C4orf36: variants seen among roughly 807,000 people sequenced by gnomAD.
C4orf36 encodes the protein uncharacterized protein C4orf36.
C4orf36 carries 11 observed loss-of-function variants against 12.2 expected under a neutral mutation model. The ratio of observed to expected loss-of-function variants is 0.90; its 90% CI spans 0.57 to 1.49. The LOEUF (loss-of-function observed/expected upper bound fraction) is 1.49, where lower values mean the gene tolerates loss of function less well. C4orf36 is among the 40% of genes most tolerant of loss of function. C4orf36 has a pLI of 0.00. For missense variants in C4orf36, 137 were observed against 133.9 expected, an observed-to-expected ratio of 1.02 and a Z score of -0.11; for synonymous variants, 54 against 51.3, an observed-to-expected ratio of 1.05 and a Z score of -0.22.
chr4:86,900,893 C>T, the C4orf36 span, among the ~76,000 whole-genome samples: 4 of 152,172 alleles, frequency 2.6e-5, no homozygotes, highest in African/African-American at 9.6e-5. Context: ...ACAGGTAAAT[C>T]TTGGACATTA....
chr4:86,876,448 G>A lies in C4orf36; in HGVS notation c.*3-5C>T, dbSNP rs1397583674. 20 of 1,613,242 alleles carry A rather than the reference G, an allele frequency of 1.2e-5. No homozygotes were observed. Among genetic ancestry groups the A allele is most frequent in the African/African-American group, 5.3e-5 (4 of 74,880 alleles). ...ATCTACAATCCGCGCTTCAGGCTGCGCAAAGGAGAGGGGGAAAATAAGATT... is the reference window on the plus strand; with the variant it reads ...ATCTACAATCCGCGCTTCAGGCTGCACAAAGGAGAGGGGGAAAATAAGATT... On this transcript the variant is annotated splice_polypyrimidine_tract_variant and splice_region_variant and intron_variant, in intron 4 of 4. Transcript: ENST00000295898.
chr4:86,887,566 C>T lies in C4orf36; in HGVS notation c.*2+192G>A, dbSNP rs1747224063. 4 of 508,716 alleles carry T rather than the reference C, an allele frequency of 7.9e-6. No homozygotes were observed. The South Asian group carries it at 1.9e-4, about 24-fold the overall frequency. 31.5% of individuals were successfully genotyped at this position (508,716 alleles called of 1,614,324 possible). A position where few individuals can be genotyped will look rare whatever the true frequency, so the allele number is the denominator to read the frequency against. On this transcript the variant is annotated intron_variant, in intron 4 of 4. Transcript: ENST00000295898. ...CTACTTACAGTGCTGTCGTTTGTGACACAAGGAACAAGAGTATGTCAGGGA... is the reference window on the plus strand; with the variant it reads ...CTACTTACAGTGCTGTCGTTTGTGATACAAGGAACAAGAGTATGTCAGGGA...
At chr4:86,913,824 A>AATTT in the C4orf36 span, 4 of 679,674 alleles carry the variant, frequency 5.9e-6, no homozygotes, top group Non-Finnish European at 9.0e-6. Context: ...CTTTTCATCC[A>AATTT]CTTTTTTTTT....
the C4orf36 span, among the ~76,000 whole-genome samples, chr4:86,904,321 G>A: frequency 6.6e-6 from 1 of 152,226 alleles, no homozygotes; most frequent in Non-Finnish European, 1.5e-5. Flanking sequence ...ACAGGGAGCC[G>A]GCTCCGGCCT....
At chr4:86,914,378 GT>G in the C4orf36 span, 1 of 812,400 alleles carries the variant, frequency 1.2e-6, no homozygotes, top group Admixed American at 2.7e-5. Context: ...CCCGGCTCCC[GT>G]TCTTCTTCTT....
rs532466480 is a variant in C4orf36 at position 86,876,794 on chromosome 4, A to G, written c.*3-351T>C. On this transcript the variant is annotated intron_variant, in intron 4 of 4. Coordinates refer to ENST00000295898, the MANE Select transcript of C4orf36 (RefSeq NM_144645.4). ...TGGTTGCAATTTTAAAATAAAAAAA[A>G]AGAGATTTTCTCATGGATATACAAC... is the stretch of plus-strand genomic sequence containing the variant. 9.1e-5 allele frequency: 123 copies of G among 1,353,706 alleles called. No individual in the cohort carries two copies. In the South Asian group the frequency reaches 1.4e-3, roughly 16 times the overall value. The allele number at this position is 1,353,706 out of a possible 1,614,324, so 83.9% of individuals were successfully genotyped here. A position where few individuals can be genotyped will look rare whatever the true frequency, so the allele number is the denominator to read the frequency against.
chr4:86,926,692 C>G, the C4orf36 span, among the ~76,000 whole-genome samples: 1 of 152,166 alleles, frequency 6.6e-6, no homozygotes, highest in African/African-American at 2.4e-5. Flanking sequence ...TCAGGTGAGT[C>G]TGCCATACAG....
the C4orf36 span, among the ~76,000 whole-genome samples, chr4:86,928,247 G>T: frequency 3.3e-5 from 5 of 152,238 alleles, no homozygotes; most frequent in South Asian, 1.0e-3. Flanking sequence ...GCCACCCTAA[G>T]GTGGGGACTA....
In C4orf36 at chr4:86,891,474, C is replaced by T. The variant is rs1302688375; in HGVS notation, c.47G>A (p.Arg16Gln). Reference protein sequence around the residue: ...PRKNTVKTILRGSCYNVQEPW... With the variant: ...PRKNTVKTILQGSCYNVQEPW... The stretch of plus-strand genomic sequence containing the variant: ...TACTTACACATTATAACAACTGCCC[C>T]GCAAAATGGTTTTCACTGTGTTCTT... Residue 16 changes from arginine to glutamine, a missense_variant, in exon 2 of 5, where the codon CGG (arginine) becomes CAG (glutamine). Arg to Gln is a conservative substitution (Grantham distance 43). Transcript: ENST00000295898. 1.2e-6 allele frequency: 2 copies of T among 1,613,814 alleles called. No homozygotes were observed. Among genetic ancestry groups the T allele is most frequent in the Non-Finnish European group, 1.7e-6 (2 of 1,179,970 alleles).
the C4orf36 span, among the ~76,000 whole-genome samples, chr4:86,908,255 T>G: frequency 1.6e-3 from 250 of 151,706 alleles, no homozygotes; most frequent in African/African-American, 5.7e-3. Context: ...TGTGTGTTTA[T>G]GGGTAGGGGC....
At chr4:86,908,740 G>A in the C4orf36 span, among the ~76,000 whole-genome samples, 20 of 151,820 alleles carry the variant, frequency 1.3e-4, no homozygotes, top group Middle Eastern at 3.2e-3. Context: ...TAACTTCTGG[G>A]ATAGCAAACA....
At chr4:86,885,548 T>C (rs942830424) in intron 4 of C4orf36, among the ~76,000 whole-genome samples, 3 of 152,232 alleles carry the variant, frequency 2.0e-5, no homozygotes, top group African/African-American at 7.2e-5. Context: ...ACATTGATTT[T>C]GTATCCTGAG....
At chr4:86,910,030 A>G in the C4orf36 span, among the ~76,000 whole-genome samples, 1 of 152,134 alleles carries the variant, frequency 6.6e-6, no homozygotes, top group Non-Finnish European at 1.5e-5. Context: ...GAATGCAGCC[A>G]GCCCTCAGGC....
the C4orf36 span, chr4:86,936,075 T>C: frequency 6.6e-6 from 1 of 152,150 alleles, no homozygotes; most frequent in South Asian, 2.1e-4. Context: ...TTCCCGGAGC[T>C]TCTCCACCAC....
the C4orf36 span, among the ~76,000 whole-genome samples, chr4:86,904,025 T>C: frequency 5.2e-4 from 79 of 152,326 alleles, no homozygotes; most frequent in Admixed American, 9.2e-4. Context: ...TTTACAATCC[T>C]TTAGCTAGGC....
the C4orf36 span, among the ~76,000 whole-genome samples, chr4:86,917,866 T>C: frequency 3.5e-5 from 3 of 86,726 alleles, no homozygotes; most frequent in Admixed American, 3.9e-4. Flanking sequence ...CTATTGGCAG[T>C]TGAAATGATA....
chr4:86,903,269 T>C, the C4orf36 span, among the ~76,000 whole-genome samples: 1 of 152,202 alleles, frequency 6.6e-6, no homozygotes, highest in Non-Finnish European at 1.5e-5. Context: ...CCTAGCACTT[T>C]GGGAGGCCGA....
chr4:86,932,772 G>GT, the C4orf36 span, among the ~76,000 whole-genome samples: 8,560 of 124,392 alleles, frequency 0.069, 382 homozygotes, highest in Non-Finnish European at 0.093. Flanking sequence ...ATTTGGGGGG[G>GT]TGGGGGGGTT....
the C4orf36 span, among the ~76,000 whole-genome samples, chr4:86,900,927 T>C: frequency 6.6e-6 from 1 of 151,732 alleles, no homozygotes; most frequent in South Asian, 2.1e-4. Context: ...CACAGCAGAG[T>C]GAGCTGTTCA....
Sources: gnomAD v4.1 joint callset for allele counts (sites outside exome capture counted in the v4.1 genomes callset) on GRCh38, gnomAD v4.1.1 for gene constraint, MANE v1.5 for transcripts, NCBI Gene and HGNC (gene_info 2026-07-23, HGNC 2026-07-21) for gene names.